MMP16: variants seen among roughly 807,000 people sequenced by gnomAD.
MMP16 encodes the protein matrix metallopeptidase 16.
Under a neutral mutation model 67.8 loss-of-function variants are expected in MMP16, and 12 were observed. The observed-to-expected ratio is 0.18, with a 90% confidence interval of 0.11 to 0.29. MMP16 has a LOEUF of 0.29. Among genes scored for constraint, MMP16 ranks in the 10% least tolerant of loss-of-function variants. The pLI, the probability that MMP16 is intolerant of heterozygous loss-of-function variation, is 1.00. For synonymous variants in MMP16, 249 were observed against 255.9 expected (o/e 0.97, Z 0.26); for missense variants, 475 against 765.7 (o/e 0.62, Z 4.48).
chr8:88,212,780 C>T (rs941310165), intron 1 of MMP16, among the ~76,000 whole-genome samples: 5 of 151,850 alleles, frequency 3.3e-5, no homozygotes, highest in African/African-American at 7.3e-5. Flanking sequence ...TGAATCCATA[C>T]GAAAAGATAG....
At chr8:88,154,723 G>C (rs1436574970) in intron 4 of MMP16, among the ~76,000 whole-genome samples, 4 of 148,054 alleles carry the variant, frequency 2.7e-5, no homozygotes, top group Admixed American at 6.8e-5. Context: ...GTGGTGGGGT[G>C]GGGGGAGCGG....
chr8:88,139,485 A>C (rs1250165716), intron 4 of MMP16, among the ~76,000 whole-genome samples: 4 of 152,048 alleles, frequency 2.6e-5, no homozygotes, highest in African/African-American at 9.7e-5. Context: ...GGAAAGAAAA[A>C]AGAGACATGC....
At chr8:88,254,952 A>G (rs1387380107) in intron 1 of MMP16, among the ~76,000 whole-genome samples, 1 of 152,208 alleles carries the variant, frequency 6.6e-6, no homozygotes, top group Non-Finnish European at 1.5e-5. Context: ...TATAAGAACT[A>G]TCTGTATGTA....
At chr8:88,299,757 T>C (rs967615031) in intron 1 of MMP16, among the ~76,000 whole-genome samples, 1 of 152,214 alleles carries the variant, frequency 6.6e-6, no homozygotes, top group Non-Finnish European at 1.5e-5. Context: ...ACTTTTCTTA[T>C]CTGCAAAATC....
chr8:88,137,589 G>C (rs1364160659), intron 4 of MMP16, among the ~76,000 whole-genome samples: 1 of 151,776 alleles, frequency 6.6e-6, no homozygotes, highest in African/African-American at 2.4e-5. Context: ...AATGTGATTG[G>C]GGTTCAAACA....
At chr8:88,217,337 C>T (rs1333666488) in intron 1 of MMP16, among the ~76,000 whole-genome samples, 1 of 152,092 alleles carries the variant, frequency 6.6e-6, no homozygotes, top group Non-Finnish European at 1.5e-5. Context: ...ATGTTTCTAT[C>T]TGCCTGTATA....
chr8:88,237,314 A>G (rs1349850429), intron 1 of MMP16, among the ~76,000 whole-genome samples: 12 of 152,228 alleles, frequency 7.9e-5, no homozygotes, highest in Non-Finnish European at 1.3e-4. Flanking sequence ...GGCTTAAGTA[A>G]CAAGGCTGAT....
At chr8:88,154,956 T>A (rs535191354) in intron 4 of MMP16, among the ~76,000 whole-genome samples, 1 of 152,196 alleles carries the variant, frequency 6.6e-6, no homozygotes, top group African/African-American at 2.4e-5. Context: ...GCAGTATAGA[T>A]CATTAATATT....
chr8:88,035,335 C>G lies in MMP16; in HGVS notation c.*6126G>C, dbSNP rs528476113. Reference sequence around the variant, plus strand: ...ACATTCTAGTTTATGATGTATTTTCCTATACTGTTCAATGTGCCCTTTAAT... The same window carrying G: ...ACATTCTAGTTTATGATGTATTTTCGTATACTGTTCAATGTGCCCTTTAAT... On this transcript the variant is annotated 3_prime_UTR_variant, in exon 10 of 10. Coordinates refer to ENST00000286614, the MANE Select transcript of MMP16 (RefSeq NM_005941.5). This position sits in a 1 kb window ranked among gnomAD's most constrained non-coding sequence, Gnocchi z 4.7. 1 of 152,096 alleles carries G rather than the reference C, an allele frequency of 6.6e-6. No homozygotes were observed. Among genetic ancestry groups the G allele is most frequent in the South Asian group, 2.1e-4 (1 of 4,824 alleles). 9.4% of individuals were successfully genotyped at this position (152,096 alleles called of 1,614,324 possible). A position where few individuals can be genotyped will look rare whatever the true frequency, so the allele number is the denominator to read the frequency against.
At chr8:88,194,384 G>C (rs1021138619) in intron 2 of MMP16, among the ~76,000 whole-genome samples, 1 of 151,936 alleles carries the variant, frequency 6.6e-6, no homozygotes, top group African/African-American at 2.4e-5. Flanking sequence ...ATAAGTGTCA[G>C]ATAAAAATTC....
At chr8:88,163,591 G>C (rs1808666391) in intron 4 of MMP16, among the ~76,000 whole-genome samples, 1 of 151,924 alleles carries the variant, frequency 6.6e-6, no homozygotes, top group South Asian at 2.1e-4. Flanking sequence ...TGCTTTGCTT[G>C]GAGTATCCGT....
chr8:88,232,133 A>C (rs1407607466), intron 1 of MMP16, among the ~76,000 whole-genome samples: 1 of 152,188 alleles, frequency 6.6e-6, no homozygotes, highest in Non-Finnish European at 1.5e-5. Context: ...CATATGGGCA[A>C]GTAAAGAAGT....
At chr8:88,111,690 T>C (rs1809339966) in intron 6 of MMP16, among the ~76,000 whole-genome samples, 2 of 151,712 alleles carry the variant, frequency 1.3e-5, no homozygotes, top group African/African-American at 4.8e-5. Flanking sequence ...TCATTCAGTA[T>C]GCAGTATTGA....
intron 1 of MMP16, among the ~76,000 whole-genome samples, chr8:88,276,701 C>T (rs1406844181): frequency 6.6e-6 from 1 of 152,012 alleles, no homozygotes; most frequent in Non-Finnish European, 1.5e-5. Flanking sequence ...TGTTCTTACC[C>T]AATAGTGCTT....
At chr8:88,325,778 T>G (rs1047287924) in intron 1 of MMP16, among the ~76,000 whole-genome samples, 14 of 152,226 alleles carry the variant, frequency 9.2e-5, no homozygotes, top group Admixed American at 7.2e-4. Flanking sequence ...TTAATATCTG[T>G]GAAGGTCTTT....
At chr8:88,118,552 G>T in intron 5 of MMP16, 148 bp downstream of exon 5, 4 of 650,902 alleles carry the variant, frequency 6.1e-6, no homozygotes, top group Admixed American at 3.1e-5. Flanking sequence ...AAATTCAGTT[G>T]ATAGAATAAT....
chr8:88,158,748 T>C (rs1486278681), intron 4 of MMP16, among the ~76,000 whole-genome samples: 2 of 152,220 alleles, frequency 1.3e-5, no homozygotes, highest in Non-Finnish European at 2.9e-5. Flanking sequence ...CCCATGCCTA[T>C]GTCCTGAATG....
chr8:88,093,876 A>G (rs1165554497), intron 6 of MMP16, among the ~76,000 whole-genome samples: 7 of 151,942 alleles, frequency 4.6e-5, no homozygotes, highest in East Asian at 1.9e-4. Flanking sequence ...AGCAATTTCA[A>G]TGACACTATA....
chr8:88,145,456 A>G (rs1808275718), intron 4 of MMP16, among the ~76,000 whole-genome samples: 1 of 151,968 alleles, frequency 6.6e-6, no homozygotes, highest in Non-Finnish European at 1.5e-5. Context: ...TTTGAAATAA[A>G]TAATAGTAAT....
Sources: allele counts gnomAD v4.1 joint callset (sites outside exome capture counted in the v4.1 genomes callset), GRCh38; gene constraint gnomAD v4.1.1; non-coding constraint Gnocchi (gnomAD v3.1); transcripts MANE v1.5; gene names NCBI Gene and HGNC (gene_info 2026-07-23, HGNC 2026-07-21).